The following RIMS2 variants were observed in gnomAD, a reference collection of about 807,000 sequenced individuals.
RIMS2 encodes the protein regulating synaptic membrane exocytosis 2.
In RIMS2, 59 loss-of-function variants were observed where a neutral mutation model predicts 174.4. The ratio of observed to expected loss-of-function variants is 0.34; its 90% CI spans 0.27 to 0.42. The LOEUF (loss-of-function observed/expected upper bound fraction) is 0.42, where lower values mean the gene tolerates loss of function less well. RIMS2 is among the 10% of genes least tolerant of loss of function. The probability of loss-of-function intolerance (pLI) is 1.00; values close to 1 mark genes in which losing one functional copy is unlikely to be tolerated. For missense variants in RIMS2, 1,620 were observed against 1,666.3 expected, an observed-to-expected ratio of 0.97 and a Z score of 0.48; for synonymous variants, 606 against 572.5, an observed-to-expected ratio of 1.06 and a Z score of -0.84.
At chr8:103,817,713 G>A (rs564567102) in intron 3 of RIMS2, among the ~76,000 whole-genome samples, 3 of 152,242 alleles carry the variant, frequency 2.0e-5, no homozygotes, top group Admixed American at 6.5e-5. Context: ...GGAGGCAGAC[G>A]TTGCAGTGAG....
At chr8:103,707,385 G>T (rs1241014637) in intron 2 of RIMS2, among the ~76,000 whole-genome samples, 1 of 152,152 alleles carries the variant, frequency 6.6e-6, no homozygotes. Context: ...TCCAGTCTTT[G>T]TAGTCAGGCC....
chr8:104,143,238 A>T (rs1010181077), intron 19 of RIMS2, among the ~76,000 whole-genome samples: 2 of 152,240 alleles, frequency 1.3e-5, no homozygotes, highest in Non-Finnish European at 2.9e-5. Flanking sequence ...AAAATCATAG[A>T]TGGTAATCTG....
intron 20 of RIMS2, among the ~76,000 whole-genome samples, chr8:104,248,315 C>G (rs1048674014): frequency 2.0e-5 from 3 of 151,984 alleles, no homozygotes; most frequent in African/African-American, 7.3e-5. Flanking sequence ...AACATTTCTT[C>G]GTGTATGAAA....
At chr8:104,113,218 TTTAAAAAC>T (rs2098222271) in intron 19 of RIMS2, among the ~76,000 whole-genome samples, 1 of 152,130 alleles carries the variant, frequency 6.6e-6, no homozygotes, top group Non-Finnish European at 1.5e-5. Flanking sequence ...GGGGGAGCTT[TTTAAAAAC>T]ATAAATTTTC....
At chr8:103,991,240 TTC>T (rs2094677865) in intron 17 of RIMS2, among the ~76,000 whole-genome samples, 1 of 151,808 alleles carries the variant, frequency 6.6e-6, no homozygotes, top group Admixed American at 6.6e-5. Context: ...TGGTTTTTAT[TTC>T]TCTTTTAGAG....
chr8:103,856,060 T>A (rs540978887), intron 3 of RIMS2, among the ~76,000 whole-genome samples: 107 of 152,342 alleles, frequency 7.0e-4, no homozygotes, highest in African/African-American at 2.3e-3. Context: ...AGATGTTGCA[T>A]GCATATGTAT....
rs964551384 is a variant in RIMS2, at chr8:103,603,162, C to A, written c.177-93924C>A. Reference sequence around the variant, plus strand: ...TCCCTCCCCCCTCCCCCCACCCCAACACAGTCCCCAGAGTGTGATATTCCC... The same window carrying A: ...TCCCTCCCCCCTCCCCCCACCCCAAAACAGTCCCCAGAGTGTGATATTCCC... On this transcript the variant is annotated intron_variant, in intron 1 of 23. Transcript: ENST00000504942. Among the ~76,000 whole-genome samples, 8 of 122,058 alleles carry A rather than the reference C, an allele frequency of 6.6e-5. No individual in the cohort carries two copies. The South Asian group carries it at 1.2e-3, about 18-fold the overall frequency. The allele number at this position is 122,058 out of a possible 152,430, so 80.1% of individuals were successfully genotyped here.
intron 3 of RIMS2, among the ~76,000 whole-genome samples, chr8:103,858,072 G>T (rs897336144): frequency 1.3e-5 from 2 of 152,160 alleles, no homozygotes; most frequent in Non-Finnish European, 2.9e-5. Flanking sequence ...CTGACTTCTT[G>T]TTGTACAGAG....
intron 19 of RIMS2, among the ~76,000 whole-genome samples, chr8:104,146,190 C>T (rs1245941248): frequency 2.6e-5 from 3 of 116,858 alleles, no homozygotes; most frequent in African/African-American, 1.0e-4. Context: ...ACAGTGAGAA[C>T]CTGTCTCCTC....
intron 1 of RIMS2, among the ~76,000 whole-genome samples, chr8:103,605,328 C>A (rs1172116522): frequency 1.4e-5 from 2 of 142,008 alleles, no homozygotes; most frequent in South Asian, 4.5e-4. Context: ...ATTGAACCAG[C>A]CTTGCATCCC....
intron 19 of RIMS2, among the ~76,000 whole-genome samples, chr8:104,016,872 T>C (rs2095925724): frequency 6.6e-6 from 1 of 152,040 alleles, no homozygotes; most frequent in African/African-American, 2.4e-5. Flanking sequence ...TCTGATGGGC[T>C]TCTCAATAAA....
At chr8:103,959,134 A>T (rs2088833783) in intron 14 of RIMS2, among the ~76,000 whole-genome samples, 1 of 152,172 alleles carries the variant, frequency 6.6e-6, no homozygotes, top group African/African-American at 2.4e-5. Flanking sequence ...GAGAAGATTC[A>T]AAAAGGGTAT....
chr8:104,028,128 T>TA (rs1286666282), intron 19 of RIMS2, among the ~76,000 whole-genome samples: 4,023 of 141,106 alleles, frequency 0.029, 224 homozygotes, highest in African/African-American at 0.1. Context: ...ATAGAATCTC[T>TA]AAAAAAAAAA....
chr8:103,537,638 T>C (rs1840455091), intron 1 of RIMS2, among the ~76,000 whole-genome samples: 1 of 152,136 alleles, frequency 6.6e-6, no homozygotes, highest in South Asian at 2.1e-4. Flanking sequence ...GGGTAGTACT[T>C]ACCATGTCTG....
At chr8:104,033,765 T>C (rs968498914) in intron 19 of RIMS2, among the ~76,000 whole-genome samples, 2 of 152,050 alleles carry the variant, frequency 1.3e-5, no homozygotes, top group South Asian at 2.1e-4. Flanking sequence ...AATATTCTTA[T>C]CTGTTTGTTT....
intron 3 of RIMS2, among the ~76,000 whole-genome samples, chr8:103,826,022 A>C (rs2098788393): frequency 1.3e-5 from 2 of 152,182 alleles, no homozygotes; most frequent in South Asian, 4.1e-4. Context: ...CATGACTAAC[A>C]ACTACAAGAA....
chr8:103,730,307 A>G lies in RIMS2; in HGVS notation c.387+33011A>G, dbSNP rs1328069248. Among the ~76,000 whole-genome samples, 6 of 151,906 alleles carry G rather than the reference A, an allele frequency of 3.9e-5. No homozygotes were observed. The South Asian group carries it at 1.3e-3, about 32-fold the overall frequency. On this transcript the variant is annotated intron_variant, in intron 2 of 23. Transcript: ENST00000504942. Reference sequence around the variant, plus strand: ...GTTATATATATAGAGGACCTCTAATAATATTTGCCTTCTATTTCTGGGTGC... The same window carrying G: ...GTTATATATATAGAGGACCTCTAATGATATTTGCCTTCTATTTCTGGGTGC...
At chr8:104,192,420 C>A (rs754568546) in intron 19 of RIMS2, among the ~76,000 whole-genome samples, 2 of 151,886 alleles carry the variant, frequency 1.3e-5, no homozygotes, top group East Asian at 3.9e-4. Context: ...AGTTCCAATT[C>A]TTATACTTTA....
chr8:103,859,112 C>G (rs1366391546), intron 3 of RIMS2, among the ~76,000 whole-genome samples: 1 of 152,054 alleles, frequency 6.6e-6, no homozygotes. Flanking sequence ...ATACTGAAAT[C>G]TAATGTGGGC....
Sources: allele counts gnomAD v4.1 joint callset (sites outside exome capture counted in the v4.1 genomes callset), GRCh38; gene constraint gnomAD v4.1.1; transcripts MANE v1.5; gene names NCBI Gene and HGNC (gene_info 2026-07-23, HGNC 2026-07-21).